CTNNA3: variants seen among roughly 807,000 people sequenced by gnomAD.
The protein encoded by CTNNA3 is catenin alpha 3.
In CTNNA3, 76 loss-of-function variants were observed where a neutral mutation model predicts 95.7. The observed-to-expected ratio is 0.79, with a 90% CI of 0.66 to 0.96. CTNNA3 has a LOEUF of 0.96. CTNNA3 is among the 40% of genes least tolerant of loss of function. The pLI, the probability that CTNNA3 is intolerant of heterozygous loss-of-function variation, is 0.00. For missense variants in CTNNA3, 1,191 were observed against 1,089.8 expected (o/e 1.09, Z -1.31); for synonymous variants, 431 against 374.4 (o/e 1.15, Z -1.74).
chr10:66,294,883 GGACA>G (rs1237858877), intron 12 of CTNNA3, among the ~76,000 whole-genome samples: 2 of 118,466 alleles, frequency 1.7e-5, no homozygotes, highest in Non-Finnish European at 3.4e-5. Flanking sequence ...TAGACAGTCA[GGACA>G]GAGAGAGAGA....
intron 3 of CTNNA3, 96 bp from the exon 4 acceptor site, chr10:67,539,765 C>T: frequency 9.7e-7 from 1 of 1,030,608 alleles, no homozygotes; most frequent in Non-Finnish European, 1.4e-6. Context: ...AATTCCAAGA[C>T]TAAGCATAAT....
intron 16 of CTNNA3, among the ~76,000 whole-genome samples, chr10:65,969,654 T>G (rs2078053174): frequency 1.3e-5 from 2 of 152,108 alleles, no homozygotes; most frequent in African/African-American, 2.4e-5. Flanking sequence ...TAAACTGGAC[T>G]AAGTAGAGGA....
At chr10:66,107,802 AAAG>A (rs2081966028) in intron 13 of CTNNA3, among the ~76,000 whole-genome samples, 1 of 152,106 alleles carries the variant, frequency 6.6e-6, no homozygotes, top group Non-Finnish European at 1.5e-5. Flanking sequence ...GCTAAATTTT[AAAG>A]AAGAGAGAAA....
intron 1 of CTNNA3, among the ~76,000 whole-genome samples, chr10:67,748,131 G>A (rs868328317): frequency 3.3e-5 from 5 of 152,108 alleles, no homozygotes; most frequent in African/African-American, 1.2e-4. Context: ...ATGATTTATT[G>A]GAGTACCTGA....
chr10:66,017,250 G>A (rs2079111700), intron 15 of CTNNA3, among the ~76,000 whole-genome samples: 2 of 152,058 alleles, frequency 1.3e-5, no homozygotes, highest in South Asian at 2.1e-4. Flanking sequence ...TCATACCAGT[G>A]TGGTGCCTTA....
intron 11 of CTNNA3, among the ~76,000 whole-genome samples, chr10:66,490,189 A>T (rs1396802838): frequency 1.3e-5 from 2 of 152,208 alleles, no homozygotes; most frequent in African/African-American, 4.8e-5. Context: ...AGCCTTTACC[A>T]TTTAACTTCT....
intron 7 of CTNNA3, among the ~76,000 whole-genome samples, chr10:66,975,801 TTA>T (rs1849998126): frequency 6.6e-6 from 1 of 152,216 alleles, no homozygotes; most frequent in Non-Finnish European, 1.5e-5. Flanking sequence ...TTTTTCTAAG[TTA>T]ACACATGATA....
At chr10:66,534,095 C>T (rs1841564420) in intron 10 of CTNNA3, among the ~76,000 whole-genome samples, 1 of 152,136 alleles carries the variant, frequency 6.6e-6, no homozygotes, top group South Asian at 2.1e-4. Context: ...CCATCCTGTG[C>T]TCAACTCTAG....
chr10:66,344,765 T>C (rs2132366584), intron 12 of CTNNA3, among the ~76,000 whole-genome samples: 1 of 152,186 alleles, frequency 6.6e-6, no homozygotes, highest in South Asian at 2.1e-4. Context: ...TGACCAATGG[T>C]ACTGGCAATA....
chr10:66,135,345 G>T (rs971738320), intron 13 of CTNNA3, among the ~76,000 whole-genome samples: 2 of 152,078 alleles, frequency 1.3e-5, no homozygotes, highest in African/African-American at 4.8e-5. Flanking sequence ...CAAACCTAGA[G>T]ATCATGACTA....
chr10:67,174,350 G>C (rs144720713), intron 7 of CTNNA3, among the ~76,000 whole-genome samples: 2 of 152,064 alleles, frequency 1.3e-5, no homozygotes, highest in Non-Finnish European at 2.9e-5. Flanking sequence ...CTCAATAGAG[G>C]AACCCAGATG....
intron 14 of CTNNA3, among the ~76,000 whole-genome samples, chr10:66,089,204 G>A (rs2081115083): frequency 6.6e-6 from 1 of 151,486 alleles, no homozygotes; most frequent in Non-Finnish European, 1.5e-5. Context: ...TACATATAGG[G>A]CCCTTTGTTG....
intron 9 of CTNNA3, among the ~76,000 whole-genome samples, chr10:66,689,715 CATAA>C (rs1266994074): frequency 1.3e-5 from 2 of 152,002 alleles, no homozygotes; most frequent in Non-Finnish European, 2.9e-5. Context: ...TCTTCTAAAT[CATAA>C]ATAACAAGTG....
intron 14 of CTNNA3, among the ~76,000 whole-genome samples, chr10:66,083,436 C>T (rs1334009707): frequency 1.3e-5 from 2 of 152,160 alleles, no homozygotes; most frequent in Non-Finnish European, 2.9e-5. Context: ...ATTGCCACAA[C>T]CTCCTTGGTT....
chr10:66,791,971 G>C (rs1448964634), intron 7 of CTNNA3, among the ~76,000 whole-genome samples: 1 of 151,870 alleles, frequency 6.6e-6, no homozygotes, highest in East Asian at 1.9e-4. Context: ...CATCATATGA[G>C]GAAAAACACC....
At chr10:66,340,340 T>A (rs989587438) in intron 12 of CTNNA3, among the ~76,000 whole-genome samples, 1 of 151,782 alleles carries the variant, frequency 6.6e-6, no homozygotes, top group Admixed American at 6.6e-5. Flanking sequence ...AAATTGAGAA[T>A]CAGAGAGTCA....
At chr10:66,418,243 CTG>C (rs1371542107) in intron 11 of CTNNA3, among the ~76,000 whole-genome samples, 3 of 151,512 alleles carry the variant, frequency 2.0e-5, no homozygotes. Context: ...TCACGGAAAA[CTG>C]TATACTAACA....
chr10:66,618,675 T>A (rs367874561), intron 10 of CTNNA3, among the ~76,000 whole-genome samples: 21 of 152,022 alleles, frequency 1.4e-4, no homozygotes, highest in South Asian at 1.2e-3. Context: ...CTAAAACACC[T>A]AAAGCAATGG....
At chr10:67,563,045 A>G (rs1024340709) in intron 3 of CTNNA3, among the ~76,000 whole-genome samples, 3 of 152,026 alleles carry the variant, frequency 2.0e-5, no homozygotes, top group Non-Finnish European at 2.9e-5. Flanking sequence ...AATCAATATC[A>G]TGAAAATGGC....
Sources: allele counts gnomAD v4.1 joint callset (sites outside exome capture counted in the v4.1 genomes callset), GRCh38; gene constraint gnomAD v4.1.1; transcripts MANE v1.5; gene names NCBI Gene and HGNC (gene_info 2026-07-23, HGNC 2026-07-21).